Variants in ADAM19 observed in about 807,000 individuals in gnomAD.
ADAM19 encodes the protein disintegrin and metalloproteinase domain-containing protein 19.
ADAM19 carries 65 observed loss-of-function variants against 114.7 expected under a neutral mutation model. That is an observed-to-expected ratio of 0.57 (90% confidence interval 0.46 to 0.70). ADAM19 has a LOEUF of 0.70. Ranked by LOEUF, ADAM19 falls within the 30% of genes least tolerant of loss-of-function variation. The pLI, the probability that ADAM19 is intolerant of heterozygous loss-of-function variation, is 0.00. For synonymous variants in ADAM19, 466 were observed against 460.5 expected (o/e 1.01, Z -0.15); for missense variants, 1,063 against 1,204.7 (o/e 0.88, Z 1.74).
At chr5:157,540,131 G>C (rs1424318368) in intron 3 of ADAM19, among the ~76,000 whole-genome samples, 1 of 152,232 alleles carries the variant, frequency 6.6e-6, no homozygotes, top group Admixed American at 6.5e-5. Flanking sequence ...TTAATGCCAT[G>C]CCTGGCACAA....
At chr5:157,531,992 A>T (rs1279464840) in intron 4 of ADAM19, among the ~76,000 whole-genome samples, 1 of 152,140 alleles carries the variant, frequency 6.6e-6, no homozygotes, top group Non-Finnish European at 1.5e-5. Context: ...ACTGTTTTAA[A>T]CCTTTAAGTT....
At chr5:157,569,115 C>G (rs1757750187) in intron 2 of ADAM19, 1 of 152,152 alleles carries the variant, frequency 6.6e-6, no homozygotes, top group African/African-American at 2.4e-5. Flanking sequence ...GGATGACCAT[C>G]CATTAATTTG....
At chr5:157,536,294 G>A (rs1467772492) in intron 4 of ADAM19, among the ~76,000 whole-genome samples, 1 of 152,188 alleles carries the variant, frequency 6.6e-6, no homozygotes, top group Non-Finnish European at 1.5e-5. Context: ...AGAAGTTCGA[G>A]ACCAGCTTGG....
intron 5 of ADAM19, among the ~76,000 whole-genome samples, chr5:157,530,445 A>G (rs1581332619): frequency 1.3e-5 from 2 of 152,178 alleles, no homozygotes; most frequent in South Asian, 2.1e-4. Flanking sequence ...CTGCCCGCTG[A>G]CCAACCCCAG....
chr5:157,574,651 G>T (rs1356498226), intron 1 of ADAM19, among the ~76,000 whole-genome samples: 1 of 152,166 alleles, frequency 6.6e-6, no homozygotes, highest in African/African-American at 2.4e-5. Context: ...TGGAGCCAGG[G>T]CTAAGCCTTC....
intron 5 of ADAM19, among the ~76,000 whole-genome samples, chr5:157,521,803 G>A (rs1044607392): frequency 6.6e-6 from 1 of 152,198 alleles, no homozygotes; most frequent in Non-Finnish European, 1.5e-5. Context: ...CTGTTCCCAA[G>A]TTATCTTTTC....
In ADAM19 at chr5:157,479,856, G is replaced by C. The variant is rs1035106677; in HGVS notation, c.*1093C>G. ...CTCCCTCGTGTGTACTTTGTAAATA[G>C]CTGGGCTCCCTAAGGGGAAACCTCA... On this transcript the variant is annotated 3_prime_UTR_variant, in exon 23 of 23. Transcript: ENST00000257527. 2 of 985,606 alleles carry C rather than the reference G, an allele frequency of 2.0e-6. No homozygotes were observed. The highest frequency in any genetic ancestry group is 2.4e-6 in the Non-Finnish European group (2 of 830,000). The allele number at this position is 985,606 out of a possible 1,614,324, so 61.1% of individuals were successfully genotyped here.
intron 3 of ADAM19, among the ~76,000 whole-genome samples, chr5:157,542,128 G>T (rs568899418): frequency 6.6e-6 from 1 of 152,206 alleles, no homozygotes; most frequent in Non-Finnish European, 1.5e-5. Flanking sequence ...TCTTCATCCT[G>T]CCTATGTTAG....
rs572142994 is a variant in ADAM19 at position 157,568,684 on chromosome 5, T to C, written c.180+2211A>G. On this transcript the variant is annotated intron_variant, in intron 2 of 22. Coordinates refer to ENST00000257527, the MANE Select transcript of ADAM19 (RefSeq NM_033274.5). ...TATAATATTTAGTATACAGTATAAG[T>C]ATTCAGTTAATGTTTAATGAATGTG... 86 of 152,284 alleles carry C rather than the reference T, an allele frequency of 5.6e-4. 1 individual carries two copies. Among genetic ancestry groups the C allele is most frequent in the Middle Eastern group, 3.4e-3 (1 of 294 alleles). The allele number at this position is 152,284 out of a possible 1,614,324, so 9.4% of individuals were successfully genotyped here. A position where few individuals can be genotyped will look rare whatever the true frequency, so the allele number is the denominator to read the frequency against.
chr5:157,527,462 G>T (rs750834230), intron 5 of ADAM19, among the ~76,000 whole-genome samples: 1 of 152,028 alleles, frequency 6.6e-6, no homozygotes, highest in African/African-American at 2.4e-5. Context: ...TGCCTGCCTC[G>T]GCCTCCCAAA....
intron 3 of ADAM19, among the ~76,000 whole-genome samples, chr5:157,546,944 C>T (rs1204358282): frequency 3.3e-5 from 5 of 152,198 alleles, no homozygotes; most frequent in African/African-American, 4.8e-5. Flanking sequence ...CTAGAGAGGT[C>T]CCCAATGAAG....
intron 22 of ADAM19, 171 bp from the exon 23 acceptor site, chr5:157,481,173 A>C: frequency 1.2e-6 from 1 of 843,414 alleles, no homozygotes; most frequent in South Asian, 1.7e-5. Context: ...TCAGCCCTGC[A>C]GGAAGGGGTG....
intron 10 of ADAM19, among the ~76,000 whole-genome samples, chr5:157,506,848 C>G (rs59295265): frequency 1.3e-5 from 2 of 152,116 alleles, no homozygotes; most frequent in African/African-American, 4.8e-5. Flanking sequence ...CTTGAAGATA[C>G]GGAATGAACT....
rs781062710 is a variant in ADAM19, at chr5:157,530,766, G to A, written c.407+41C>T. 9.7e-6 allele frequency: 15 copies of A among 1,547,466 alleles called. No individual in the cohort carries two copies. The Admixed American group carries it at 2.2e-4, about 22-fold the overall frequency. Reference sequence around the variant, plus strand: ...TCTATCTTGAAACTTCCATTCCTGGGGAGAGTGCCCGGTGCCACCTGCAGC... The same window carrying A: ...TCTATCTTGAAACTTCCATTCCTGGAGAGAGTGCCCGGTGCCACCTGCAGC... On this transcript the variant is annotated intron_variant, in intron 5 of 22. Transcript: ENST00000257527.
At chr5:157,522,459 C>T (rs1053518816) in intron 5 of ADAM19, among the ~76,000 whole-genome samples, 15 of 152,176 alleles carry the variant, frequency 9.9e-5, no homozygotes, top group African/African-American at 3.1e-4. Flanking sequence ...AGTCCCACAA[C>T]CTTACCCTGA....
chr5:157,488,295 A>T lies in ADAM19; in HGVS notation c.2520T>A (p.Ile840=). 1.2e-6 allele frequency: 2 copies of T among 1,613,630 alleles called. No homozygotes were observed. The highest frequency in any genetic ancestry group is 3.3e-4 in the Middle Eastern group (2 of 6,062). Residue 840 remains isoleucine (I), a synonymous_variant, in exon 21 of 23, where the codon ATT becomes ATA. Coordinates refer to ENST00000257527, the MANE Select transcript of ADAM19 (RefSeq NM_033274.5). ...SSRRPPPSRP[I]PPAPNCIVSQ... ...AAACGATGCAATTTGGTGCGGGGGG[A>T]ATTGGCCGGCTTGGAGGAGGCCTCC...
intron 3 of ADAM19, among the ~76,000 whole-genome samples, chr5:157,540,894 G>A (rs1055972677): frequency 5.3e-5 from 8 of 152,052 alleles, no homozygotes; most frequent in African/African-American, 1.9e-4. Flanking sequence ...AAAACAATCC[G>A]CTTTCATTTT....
chr5:157,529,870 G>A (rs72811319), intron 5 of ADAM19, among the ~76,000 whole-genome samples: 12,903 of 152,188 alleles, frequency 0.085, 661 homozygotes, highest in Middle Eastern at 0.17. Flanking sequence ...AGCACATTCT[G>A]GTCAGAACTT....
intron 3 of ADAM19, 72 bp downstream of exon 3, chr5:157,564,301 C>T (rs1757590762): frequency 1.1e-5 from 15 of 1,428,178 alleles, no homozygotes; most frequent in Non-Finnish European, 1.5e-5. Context: ...CCTTCCAGAA[C>T]AGCGACACCT....
Sources: allele counts gnomAD v4.1 joint callset (sites outside exome capture counted in the v4.1 genomes callset), GRCh38; gene constraint gnomAD v4.1.1; transcripts MANE v1.5; gene names NCBI Gene and HGNC (gene_info 2026-07-23, HGNC 2026-07-21).